Variants in SMYD3 observed in about 807,000 individuals in gnomAD.
SMYD3 encodes the protein SET and MYND domain containing 3.
Under a neutral mutation model 57.7 loss-of-function variants are expected in SMYD3, and 36 were observed. The observed-to-expected ratio is 0.62, with a 90% CI of 0.48 to 0.82. SMYD3 has a LOEUF of 0.82. Among genes scored for constraint, SMYD3 ranks in the 40% least tolerant of loss-of-function variants. The probability of loss-of-function intolerance (pLI) is 0.00; values close to 1 mark genes in which losing one functional copy is unlikely to be tolerated. For missense variants in SMYD3, 515 were observed against 538.8 expected, an observed-to-expected ratio of 0.96 and a Z score of 0.44; for synonymous variants, 211 against 195.0, an observed-to-expected ratio of 1.08 and a Z score of -0.68.
At chr1:245,760,189 T>C (rs1301359105) in intron 11 of SMYD3, among the ~76,000 whole-genome samples, 1 of 152,178 alleles carries the variant, frequency 6.6e-6, no homozygotes, top group Non-Finnish European at 1.5e-5. Flanking sequence ...CTGTAATAAA[T>C]TTCTGTTTCT....
intron 5 of SMYD3, among the ~76,000 whole-genome samples, chr1:246,255,931 T>TGG (rs763159802): frequency 1.1e-5 from 1 of 89,940 alleles, no homozygotes; most frequent in East Asian, 2.3e-4. Context: ...ACTAATAAGA[T>TGG]AGATAGATAG....
chr1:245,818,936 T>A (rs1246725149), intron 10 of SMYD3, among the ~76,000 whole-genome samples: 1 of 79,186 alleles, frequency 1.3e-5, no homozygotes, highest in Non-Finnish European at 2.4e-5. Flanking sequence ...CTCCCACACA[T>A]TAATAATGGG....
intron 5 of SMYD3, among the ~76,000 whole-genome samples, chr1:246,149,153 T>A (rs2061903162): frequency 6.6e-6 from 1 of 152,058 alleles, no homozygotes; most frequent in African/African-American, 2.4e-5. Context: ...TTAAAATACC[T>A]CTTTTTGCAT....
At chr1:246,125,036 C>T (rs566337976) in intron 5 of SMYD3, among the ~76,000 whole-genome samples, 63 of 146,186 alleles carry the variant, frequency 4.3e-4, no homozygotes, top group Non-Finnish European at 6.2e-4. Context: ...CGCGCCACTG[C>T]ACTCCAGCCT....
chr1:245,869,278 A>G (rs2052042283), intron 8 of SMYD3, among the ~76,000 whole-genome samples: 1 of 152,178 alleles, frequency 6.6e-6, no homozygotes, highest in Non-Finnish European at 1.5e-5. Context: ...AAGGATTCCT[A>G]AGAAAGCTGA....
intron 5 of SMYD3, among the ~76,000 whole-genome samples, chr1:246,147,900 G>A (rs184338024): frequency 2.6e-4 from 40 of 152,244 alleles, no homozygotes; most frequent in Middle Eastern, 3.4e-3. Context: ...TGGAGGGCCC[G>A]GGAAGACCCG....
At chr1:246,437,714 CTAATA>C (rs938758162) in intron 1 of SMYD3, among the ~76,000 whole-genome samples, 1 of 152,168 alleles carries the variant, frequency 6.6e-6, no homozygotes, top group Admixed American at 6.5e-5. Context: ...CCAAAATATT[CTAATA>C]TAATTTTTAA....
rs568418059 is a variant in SMYD3 at position 246,296,221 on chromosome 1, A to G, written c.531+30980T>C. Among the ~76,000 whole-genome samples, 12 of 152,286 alleles carry G rather than the reference A, an allele frequency of 7.9e-5. 1 individual carries two copies. The East Asian group carries it at 2.3e-3, about 29-fold the overall frequency. The stretch of plus-strand genomic sequence containing the variant: ...CCTCAGTCACGCCCATGAAAATCAC[A>G]TGGATTTTCTCTACAGTTAAGACTT... On this transcript the variant is annotated intron_variant, in intron 5 of 11. Coordinates refer to ENST00000490107, the MANE Select transcript of SMYD3 (RefSeq NM_001167740.2).
intron 7 of SMYD3, among the ~76,000 whole-genome samples, chr1:245,916,923 T>A (rs1035916969): frequency 2.0e-5 from 3 of 152,058 alleles, no homozygotes; most frequent in African/African-American, 7.2e-5. Context: ...GCACTGTGGG[T>A]TACCAGTCCA....
chr1:246,229,505 A>G lies in SMYD3; in HGVS notation c.531+97696T>C, dbSNP rs536695532. On this transcript the variant is annotated intron_variant, in intron 5 of 11. Coordinates refer to ENST00000490107, the MANE Select transcript of SMYD3 (RefSeq NM_001167740.2). ...TTTACAATTGCCCTTTATCCATCTT[A>G]TAGAGATGATGCAAAGTTAAATTAT... 1.7e-4 allele frequency among the ~76,000 whole-genome samples: 26 copies of G among 152,342 alleles called. No homozygotes were observed. The East Asian group carries it at 4.6e-3, about 27-fold the overall frequency.
At chr1:245,957,224 C>T (rs1229178049) in intron 5 of SMYD3, among the ~76,000 whole-genome samples, 1 of 152,212 alleles carries the variant, frequency 6.6e-6, no homozygotes, top group Non-Finnish European at 1.5e-5. Context: ...GTTCATCTCA[C>T]TCTGACTTCA....
intron 1 of SMYD3, among the ~76,000 whole-genome samples, chr1:246,431,882 T>C (rs148656616): frequency 5.7e-4 from 87 of 152,360 alleles, no homozygotes; most frequent in African/African-American, 2.0e-3. Flanking sequence ...AAGGATTCCA[T>C]ATTTTATAAT....
intron 5 of SMYD3, among the ~76,000 whole-genome samples, chr1:245,969,112 C>T (rs2058230545): frequency 6.6e-6 from 1 of 152,172 alleles, no homozygotes; most frequent in Non-Finnish European, 1.5e-5. Flanking sequence ...GTAAGTACTT[C>T]TGAGTTCTCT....
chr1:246,124,547 G>C (rs536740037), intron 5 of SMYD3, among the ~76,000 whole-genome samples: 1 of 152,270 alleles, frequency 6.6e-6, no homozygotes, highest in African/African-American at 2.4e-5. Context: ...CCTATTAGGT[G>C]CAAAACACTG....
At chr1:245,876,946 G>A (rs990804923) in intron 8 of SMYD3, among the ~76,000 whole-genome samples, 1 of 152,118 alleles carries the variant, frequency 6.6e-6, no homozygotes, top group African/African-American at 2.4e-5. Flanking sequence ...GAGCACAGAG[G>A]CAGAGCCCTC....
At chr1:246,465,980 C>T (rs1407830089) in intron 1 of SMYD3, among the ~76,000 whole-genome samples, 1 of 152,192 alleles carries the variant, frequency 6.6e-6, no homozygotes. Context: ...CCACTTTAGC[C>T]AGGTTGGTCT....
chr1:246,066,582 T>C (rs1048454509), intron 5 of SMYD3, among the ~76,000 whole-genome samples: 3 of 152,250 alleles, frequency 2.0e-5, no homozygotes, highest in African/African-American at 7.2e-5. Flanking sequence ...CAGTGCTGTT[T>C]AAGCTGCTCA....
At chr1:245,875,391 TG>T (rs1459309011) in intron 8 of SMYD3, among the ~76,000 whole-genome samples, 5 of 152,174 alleles carry the variant, frequency 3.3e-5, no homozygotes, top group Admixed American at 6.5e-5. Context: ...CTGGAAATTG[TG>T]GGGAGAGCTG....
At chr1:246,242,207 T>A (rs1400772361) in intron 5 of SMYD3, among the ~76,000 whole-genome samples, 1 of 152,208 alleles carries the variant, frequency 6.6e-6, no homozygotes, top group Non-Finnish European at 1.5e-5. Flanking sequence ...AGATCTTTCC[T>A]GCTTTCTCTT....
Sources: allele counts gnomAD v4.1 joint callset (sites outside exome capture counted in the v4.1 genomes callset), GRCh38; gene constraint gnomAD v4.1.1; transcripts MANE v1.5; gene names NCBI Gene and HGNC (gene_info 2026-07-23, HGNC 2026-07-21).